Variants in NHSL3 observed in about 807,000 individuals in gnomAD.
NHSL3 encodes NHS-like protein 3.
chr1:32,750,943 C>G, the NHSL3 span, among the ~76,000 whole-genome samples: 1 of 152,040 alleles, frequency 6.6e-6, no homozygotes, highest in Admixed American at 6.5e-5. Context: ...TCCCAAGTAG[C>G]CGGGACTACA....
At chr1:32,744,150 G>A in the NHSL3 span, among the ~76,000 whole-genome samples, 4 of 152,190 alleles carry the variant, frequency 2.6e-5, no homozygotes, top group East Asian at 7.7e-4. Flanking sequence ...ATACACAGGA[G>A]ATTCCTGGGA....
the NHSL3 span, chr1:32,768,071 A>G: frequency 6.2e-7 from 1 of 1,614,070 alleles, no homozygotes; most frequent in Non-Finnish European, 8.5e-7. Context: ...GAGAAACAGA[A>G]ACTGAACAAG....
chr1:32,771,015 A>G, the NHSL3 span: 1 of 1,612,248 alleles, frequency 6.2e-7, no homozygotes, highest in African/African-American at 1.3e-5. Flanking sequence ...AGCCCCCTAA[A>G]CCAGAGCGTG....
chr1:32,772,608 TGA>T, the NHSL3 span, among the ~76,000 whole-genome samples: 1 of 152,188 alleles, frequency 6.6e-6, no homozygotes, highest in African/African-American at 2.4e-5. Context: ...GAATGGTGTG[TGA>T]GTGTCAGGCC....
chr1:32,769,739 G>C, the NHSL3 span: 1 of 1,614,016 alleles, frequency 6.2e-7, no homozygotes, highest in Non-Finnish European at 8.5e-7. Flanking sequence ...CGGCGGGAGC[G>C]GCGGAGCACT....
chr1:32,766,864 C>T, the NHSL3 span, among the ~76,000 whole-genome samples: 1 of 152,174 alleles, frequency 6.6e-6, no homozygotes, highest in African/African-American at 2.4e-5. Flanking sequence ...TAACAGGATC[C>T]TTTGTAATGG....
At chr1:32,748,703 A>C in the NHSL3 span, among the ~76,000 whole-genome samples, 1 of 152,106 alleles carries the variant, frequency 6.6e-6, no homozygotes, top group Non-Finnish European at 1.5e-5. Context: ...GGTAAAGGGC[A>C]CCTCAGTGTC....
chr1:32,768,509 C>G, the NHSL3 span: 26 of 865,946 alleles, frequency 3.0e-5, no homozygotes, highest in Middle Eastern at 3.3e-4. Flanking sequence ...GCAGGATAAT[C>G]GCTTGAACTT....
the NHSL3 span, chr1:32,754,054 C>G: frequency 1.6e-6 from 1 of 635,052 alleles, no homozygotes; most frequent in African/African-American, 1.9e-5. Flanking sequence ...CTGGCTGGGC[C>G]GCGCTTGGGT....
chr1:32,757,121 C>T, the NHSL3 span, among the ~76,000 whole-genome samples: 187 of 152,320 alleles, frequency 1.2e-3, 1 homozygote, highest in Non-Finnish European at 1.8e-3. Context: ...GCCTCAGCCT[C>T]TGCTGTGACA....
At chr1:32,769,555 A>C in the NHSL3 span, 1 of 815,144 alleles carries the variant, frequency 1.2e-6, no homozygotes, top group South Asian at 1.5e-5. Flanking sequence ...AGCCTTGCCC[A>C]TACCTACTTG....
the NHSL3 span, among the ~76,000 whole-genome samples, chr1:32,766,911 GCCAGGGCCT>G: frequency 3.9e-5 from 6 of 152,272 alleles, no homozygotes; most frequent in South Asian, 8.3e-4. Flanking sequence ...CAGGGCCAGG[GCCAGGGCCT>G]CCAGGAGAGG....
chr1:32,772,039 G>A, the NHSL3 span: 50 of 1,605,450 alleles, frequency 3.1e-5, 1 homozygote, highest in Admixed American at 1.2e-4. Flanking sequence ...TCAGCCCAAC[G>A]GACCGCCTGA....
At chr1:32,761,250 C>A in the NHSL3 span, among the ~76,000 whole-genome samples, 4 of 152,254 alleles carry the variant, frequency 2.6e-5, no homozygotes, top group East Asian at 5.8e-4. Context: ...TTGTGAAGTA[C>A]CCCTCCCAGT....
the NHSL3 span, among the ~76,000 whole-genome samples, chr1:32,751,212 C>T: frequency 6.6e-6 from 1 of 152,208 alleles, no homozygotes; most frequent in South Asian, 2.1e-4. Flanking sequence ...CTTCTTCCCA[C>T]CAGTCCTAGC....
the NHSL3 span, among the ~76,000 whole-genome samples, chr1:32,763,175 G>A: frequency 6.6e-6 from 1 of 151,296 alleles, no homozygotes; most frequent in Non-Finnish European, 1.5e-5. Context: ...GTAGAGACAA[G>A]GTTTCACCAT....
the NHSL3 span, chr1:32,773,159 C>T: frequency 9.3e-5 from 49 of 528,550 alleles, no homozygotes; most frequent in East Asian, 2.7e-4. Flanking sequence ...GGGTAGCTGG[C>T]GGGAGAGGGT....
the NHSL3 span, among the ~76,000 whole-genome samples, chr1:32,751,530 A>G: frequency 7.9e-5 from 12 of 152,296 alleles, 1 homozygote; most frequent in African/African-American, 2.6e-4. Flanking sequence ...TCTGAAGGCA[A>G]GTTCTGGGAT....
At chr1:32,771,542 C>G in the NHSL3 span, 1 of 1,604,930 alleles carries the variant, frequency 6.2e-7, no homozygotes, top group South Asian at 1.1e-5. Context: ...GCTGACTTCC[C>G]CCCACCAGAG....
Sources: gnomAD v4.1 joint callset for allele counts (sites outside exome capture counted in the v4.1 genomes callset) on GRCh38, gnomAD v4.1.1 for gene constraint, MANE v1.5 for transcripts, NCBI Gene and HGNC (gene_info 2026-07-23, HGNC 2026-07-21) for gene names.